The following ZC3H12B variants were observed in gnomAD, a reference collection of about 807,000 sequenced individuals.
The protein encoded by ZC3H12B is zinc finger CCCH-type containing 12B.
ZC3H12B carries 7 observed loss-of-function variants against 43.9 expected under a neutral mutation model. That is an observed-to-expected ratio of 0.16 (90% CI 0.09 to 0.30). The LOEUF is 0.30. Among genes scored for constraint, ZC3H12B ranks in the 10% least tolerant of loss-of-function variants. The probability of loss-of-function intolerance (pLI) is 1.00; values close to 1 mark genes in which losing one functional copy is unlikely to be tolerated. For synonymous variants in ZC3H12B, 222 were observed against 241.7 expected, an observed-to-expected ratio of 0.92 and a Z score of 0.76; for missense variants, 475 against 670.2, an observed-to-expected ratio of 0.71 and a Z score of 3.22.
chrX:65,152,061 A>T, the ZC3H12B span, among the ~76,000 whole-genome samples: 2 of 111,952 alleles, frequency 1.8e-5, no homozygotes, highest in East Asian at 5.6e-4. Context: ...TCAATAAATT[A>T]GGTATTGATG....
At chrX:65,497,142 AAAG>A (rs1212436839) in exon 2 of ZC3H12B, 2 of 1,207,182 alleles carry the variant, frequency 1.7e-6, no homozygotes, top group Admixed American at 2.2e-5. Flanking sequence ...CCATGGGAAT[AAAG>A]AAGAATTCTC....
chrX:65,221,218 G>T, the ZC3H12B span, among the ~76,000 whole-genome samples: 1 of 111,756 alleles, frequency 8.9e-6, no homozygotes, highest in African/African-American at 3.2e-5. Context: ...TAACAGGAAA[G>T]TTCATAGCAT....
In ZC3H12B at chrX:65,372,638, GAGGA is replaced by G. The variant is rs575783151; in HGVS notation, n.295+3654_295+3657del. On this transcript the variant is annotated intron_variant and non_coding_transcript_variant, in intron 2 of 5. Transcript: ENST00000617377. ...AGAGGGAGAGAGGAAGGGAGGAAGG[GAGGA>G]AGGAAGGAAGGAAAGGAAGGAAGGA... Among the ~76,000 whole-genome samples the G allele has an allele frequency of 2.3e-3, 245 of 108,235 alleles. 2 individuals are homozygous for G. Among genetic ancestry groups the G allele is most frequent in the African/African-American group, 7.5e-3 (223 of 29,791 alleles). The allele number at this position is 108,235 out of a possible 115,157, so 94.0% of individuals were successfully genotyped here.
At chrX:65,218,948 G>T in the ZC3H12B span, among the ~76,000 whole-genome samples, 1 of 112,069 alleles carries the variant, frequency 8.9e-6, no homozygotes, top group African/African-American at 3.2e-5. Flanking sequence ...CAACAGAGCA[G>T]GTGCTGGTAT....
At chrX:65,358,549 A>G in the ZC3H12B span, among the ~76,000 whole-genome samples, 1 of 111,972 alleles carries the variant, frequency 8.9e-6, no homozygotes, top group Non-Finnish European at 1.9e-5. Flanking sequence ...CCGCACAACT[A>G]CATGGAAACT....
chrX:65,380,040 A>G (rs1216969279), intron 2 of ZC3H12B, among the ~76,000 whole-genome samples: 2 of 112,338 alleles, frequency 1.8e-5, no homozygotes, highest in Non-Finnish European at 3.8e-5. Context: ...TCTGCAGGAT[A>G]TTATCCAAGA....
At chrX:65,443,501 C>A (rs1345249320) in intron 3 of ZC3H12B, among the ~76,000 whole-genome samples, 1 of 112,174 alleles carries the variant, frequency 8.9e-6, no homozygotes, top group African/African-American at 3.2e-5. Flanking sequence ...CAGAGATTTA[C>A]CCACATAATT....
chrX:65,455,087 A>G (rs1011642195), intron 3 of ZC3H12B, among the ~76,000 whole-genome samples: 3 of 112,530 alleles, frequency 2.7e-5, no homozygotes, highest in African/African-American at 9.7e-5. Flanking sequence ...CCTCCAAAGG[A>G]ATGCAGCTCC....
chrX:65,140,357 T>C, the ZC3H12B span, among the ~76,000 whole-genome samples: 1 of 111,702 alleles, frequency 9.0e-6, no homozygotes, highest in Non-Finnish European at 1.9e-5. Context: ...GATGATCAAC[T>C]GGTTTTTGTC....
intron 3 of ZC3H12B, among the ~76,000 whole-genome samples, chrX:65,479,950 G>T (rs1263416362): frequency 1.8e-5 from 2 of 112,615 alleles, no homozygotes; most frequent in Admixed American, 1.9e-4. Context: ...TAAATGAAGA[G>T]GATGAAGTAA....
chrX:65,262,005 A>G, the ZC3H12B span, among the ~76,000 whole-genome samples: 1 of 110,576 alleles, frequency 9.0e-6, no homozygotes, highest in Non-Finnish European at 1.9e-5. Context: ...TACCCTTAGT[A>G]AATTTTATAG....
the ZC3H12B span, among the ~76,000 whole-genome samples, chrX:65,084,822 C>T: frequency 8.9e-6 from 1 of 112,640 alleles, no homozygotes; most frequent in Non-Finnish European, 1.9e-5. Flanking sequence ...TTTCTTGCAG[C>T]ATTTTGCACA....
chrX:65,422,925 C>CTTTTTTTTTTTTTTTTT lies in ZC3H12B; in HGVS notation n.407+24230_407+24246dup, dbSNP rs34567013. Among the ~76,000 whole-genome samples the CTTTTTTTTTTTTTTTTT allele has an allele frequency of 2.6e-4, 12 of 46,184 alleles. 1 individual carries two copies. The highest frequency in any genetic ancestry group is 8.5e-4 in the African/African-American group (8 of 9,422). 40.1% of individuals were successfully genotyped at this position (46,184 alleles called of 115,157 possible). The stretch of plus-strand genomic sequence containing the variant: ...ATAAGTGCCACATTTTCTTTCTTTG[C>CTTTTTTTTTTTTTTTTT]TTTTTTTTTTTTTTTTTTTTTTTTT... On this transcript the variant is annotated intron_variant and non_coding_transcript_variant, in intron 3 of 5. Coordinates refer to the ZC3H12B transcript ENST00000617377.
the ZC3H12B span, among the ~76,000 whole-genome samples, chrX:65,146,737 A>T: frequency 9.9e-5 from 11 of 111,426 alleles, no homozygotes; most frequent in Non-Finnish European, 1.9e-4. Flanking sequence ...TCTCCCCTGG[A>T]TCTAGCTACC....
At chrX:65,458,085 TA>T (rs59738258) in intron 3 of ZC3H12B, among the ~76,000 whole-genome samples, 1,540 of 49,036 alleles carry the variant, frequency 0.031, 15 homozygotes, top group African/African-American at 0.056. Flanking sequence ...AAAAAAAAAT[TA>T]AAAAAAAAAA....
chrX:65,080,281 GAGAA>G, the ZC3H12B span, among the ~76,000 whole-genome samples: 1 of 108,587 alleles, frequency 9.2e-6, no homozygotes, highest in Non-Finnish European at 1.9e-5. Context: ...CGAAGAGGTA[GAGAA>G]AGAAAGAGAT....
the ZC3H12B span, among the ~76,000 whole-genome samples, chrX:65,189,132 T>A: frequency 1.9e-5 from 2 of 105,748 alleles, no homozygotes; most frequent in South Asian, 8.8e-4. Context: ...GAACTCATCA[T>A]TTTTTATGAC....
At chrX:65,236,397 TG>T in the ZC3H12B span, among the ~76,000 whole-genome samples, 2 of 112,117 alleles carry the variant, frequency 1.8e-5, no homozygotes, top group East Asian at 2.8e-4. Context: ...TAAATGGGGT[TG>T]TTTTTTTCTT....
At chrX:65,258,139 A>G in the ZC3H12B span, among the ~76,000 whole-genome samples, 1 of 111,387 alleles carries the variant, frequency 9.0e-6, no homozygotes, top group Non-Finnish European at 1.9e-5. Flanking sequence ...AATCCTCAAC[A>G]AAATACTAGC....
Sources: gnomAD v4.1 joint callset for allele counts (sites outside exome capture counted in the v4.1 genomes callset) on GRCh38, gnomAD v4.1.1 for gene constraint, MANE v1.5 for transcripts, NCBI Gene and HGNC (gene_info 2026-07-23, HGNC 2026-07-21) for gene names.